The following MSRA variants were observed in gnomAD, a reference collection of about 807,000 sequenced individuals.
MSRA encodes the protein mitochondrial peptide methionine sulfoxide reductase.
MSRA carries 54 observed loss-of-function variants against 31.3 expected under a neutral mutation model. That is an observed-to-expected ratio of 1.73 (90% CI 1.39 to 2.17). The LOEUF is 2.17. Among genes scored for constraint, MSRA ranks in the 30% most tolerant of loss-of-function variants. The pLI, the probability that MSRA is intolerant of heterozygous loss-of-function variation, is 0.00. For missense variants in MSRA, 507 were observed against 300.9 expected (o/e 1.69, Z -5.07); for synonymous variants, 169 against 116.5 (o/e 1.45, Z -2.90).
intron 3 of MSRA, 96 bp downstream of exon 3, chr8:10,245,319 T>A: frequency 6.7e-6 from 8 of 1,193,616 alleles, no homozygotes; most frequent in Non-Finnish European, 9.5e-6. Context: ...AAATATGTTT[T>A]TTTAAAAATG....
At chr8:10,216,065 C>T (rs1213573000) in intron 2 of MSRA, among the ~76,000 whole-genome samples, 4 of 152,140 alleles carry the variant, frequency 2.6e-5, no homozygotes, top group African/African-American at 9.7e-5. Context: ...ACCCAACTAG[C>T]ATTTTTAAGA....
intron 1 of MSRA, among the ~76,000 whole-genome samples, chr8:10,113,244 G>A (rs540961439): frequency 6.7e-6 from 1 of 149,854 alleles, no homozygotes; most frequent in East Asian, 2.0e-4. Context: ...GCAGAGGGTG[G>A]AGCCCTACCT....
At chr8:10,083,781 C>G (rs1360195154) in intron 1 of MSRA, among the ~76,000 whole-genome samples, 1 of 151,870 alleles carries the variant, frequency 6.6e-6, no homozygotes, top group Non-Finnish European at 1.5e-5. Context: ...ATTTTGATGT[C>G]TGTGGATTAA....
intron 5 of MSRA, among the ~76,000 whole-genome samples, chr8:10,418,601 G>A (rs1475860143): frequency 1.3e-5 from 2 of 151,926 alleles, no homozygotes; most frequent in East Asian, 3.9e-4. Context: ...GCATTCACTG[G>A]AGTCTCAAGG....
intron 3 of MSRA, among the ~76,000 whole-genome samples, chr8:10,301,220 C>G (rs1248520470): frequency 6.6e-6 from 1 of 152,200 alleles, no homozygotes; most frequent in South Asian, 2.1e-4. Flanking sequence ...CAGGGTGGAT[C>G]CATAAGGTTT....
At chr8:10,304,944 C>T (rs1801046757) in intron 4 of MSRA, among the ~76,000 whole-genome samples, 1 of 152,100 alleles carries the variant, frequency 6.6e-6, no homozygotes, top group South Asian at 2.1e-4. Flanking sequence ...CTTGCCTGTG[C>T]CAGAATTGCT....
chr8:10,134,517 A>G (rs1802128160), intron 1 of MSRA, among the ~76,000 whole-genome samples: 1 of 152,188 alleles, frequency 6.6e-6, no homozygotes. Context: ...CTCACATACC[A>G]AGGCACTGTC....
At chr8:10,127,908 G>C (rs1585209882) in intron 1 of MSRA, among the ~76,000 whole-genome samples, 1 of 152,086 alleles carries the variant, frequency 6.6e-6, no homozygotes, top group African/African-American at 2.4e-5. Context: ...CCTTCACGTG[G>C]GGTGGTTTCT....
chr8:10,180,258 G>A (rs1438545814), intron 1 of MSRA, among the ~76,000 whole-genome samples: 3 of 152,160 alleles, frequency 2.0e-5, no homozygotes, highest in Non-Finnish European at 4.4e-5. Context: ...CTGGTTTATT[G>A]TAAAGGATAC....
chr8:10,087,970 A>C (rs886339296), intron 1 of MSRA, among the ~76,000 whole-genome samples: 4 of 152,224 alleles, frequency 2.6e-5, no homozygotes, highest in Admixed American at 2.6e-4. Flanking sequence ...TTTTAATGGC[A>C]AATACTTCAG....
At chr8:10,357,371 T>C (rs1804568201) in intron 5 of MSRA, among the ~76,000 whole-genome samples, 1 of 152,246 alleles carries the variant, frequency 6.6e-6, no homozygotes, top group Non-Finnish European at 1.5e-5. Context: ...GACCCACTTT[T>C]CAGACATTGA....
At chr8:10,248,753 A>T (rs942570496) in intron 3 of MSRA, among the ~76,000 whole-genome samples, 3 of 152,226 alleles carry the variant, frequency 2.0e-5, no homozygotes, top group African/African-American at 7.2e-5. Flanking sequence ...AGGTGTGCCC[A>T]TCGTGGGCTC....
chr8:10,405,389 A>G (rs1807741854), intron 5 of MSRA, among the ~76,000 whole-genome samples: 1 of 152,202 alleles, frequency 6.6e-6, no homozygotes, highest in African/African-American at 2.4e-5. Context: ...ATGAGGGGAC[A>G]TCTGGCGCGA....
intron 3 of MSRA, among the ~76,000 whole-genome samples, chr8:10,248,918 T>C (rs1797771478): frequency 6.6e-6 from 1 of 152,120 alleles, no homozygotes; most frequent in African/African-American, 2.4e-5. Flanking sequence ...TGAATCACAG[T>C]GGAGATGGAC....
At chr8:10,102,289 T>C (rs1285623469) in intron 1 of MSRA, among the ~76,000 whole-genome samples, 4 of 152,242 alleles carry the variant, frequency 2.6e-5, no homozygotes, top group African/African-American at 7.2e-5. Flanking sequence ...AACTTTGTTA[T>C]AGTTCTACCA....
At chr8:10,379,575 C>A (rs975401619) in intron 5 of MSRA, among the ~76,000 whole-genome samples, 1 of 152,184 alleles carries the variant, frequency 6.6e-6, no homozygotes, top group Admixed American at 6.5e-5. Context: ...CCTCCGCCTT[C>A]CCCCCTCTTC....
chr8:10,170,409 GAATT>G (rs1217187043), intron 1 of MSRA, among the ~76,000 whole-genome samples: 1 of 152,148 alleles, frequency 6.6e-6, no homozygotes, highest in Non-Finnish European at 1.5e-5. Context: ...AGCCATCTAT[GAATT>G]AGGAAGCAGG....
intron 1 of MSRA, among the ~76,000 whole-genome samples, chr8:10,164,368 A>C (rs558149256): frequency 6.6e-6 from 1 of 152,308 alleles, no homozygotes; most frequent in Admixed American, 6.5e-5. Flanking sequence ...TTTTGGCAGC[A>C]GATCCCTTCC....
At chr8:10,191,560 C>G (rs927010076) in intron 1 of MSRA, among the ~76,000 whole-genome samples, 46 of 152,312 alleles carry the variant, frequency 3.0e-4, no homozygotes, top group Non-Finnish European at 6.2e-4. Context: ...ATATCTTACA[C>G]TCTATTCCTA....
Sources: gnomAD v4.1 joint callset for allele counts (sites outside exome capture counted in the v4.1 genomes callset) on GRCh38, gnomAD v4.1.1 for gene constraint, MANE v1.5 for transcripts, NCBI Gene and HGNC (gene_info 2026-07-23, HGNC 2026-07-21) for gene names.